Variants in QKI observed in about 807,000 individuals in gnomAD.
QKI encodes QKI, KH domain containing RNA binding, also known as KH domain-containing RNA-binding protein QKI.
Under a neutral mutation model 39.0 loss-of-function variants are expected in QKI, and 10 were observed. That is an observed-to-expected ratio of 0.26 (90% CI 0.16 to 0.43). The LOEUF is 0.43. QKI is among the 20% of genes least tolerant of loss of function. The probability of loss-of-function intolerance (pLI) is 1.00; values close to 1 mark genes in which losing one functional copy is unlikely to be tolerated. For missense variants in QKI, 218 were observed against 428.0 expected (o/e 0.51, Z 4.33); for synonymous variants, 204 against 155.4 (o/e 1.31, Z -2.33).
intron 1 of QKI, among the ~76,000 whole-genome samples, chr6:163,433,333 G>A (rs561394255): frequency 6.6e-6 from 1 of 152,284 alleles, no homozygotes; most frequent in African/African-American, 2.4e-5. Flanking sequence ...ATAGGAGCAA[G>A]TGGTGGTAAT....
chr6:163,475,367 G>A (rs1344587153), intron 2 of QKI, among the ~76,000 whole-genome samples: 1 of 152,104 alleles, frequency 6.6e-6, no homozygotes, highest in Non-Finnish European at 1.5e-5. Context: ...CCTAAGCAAT[G>A]CAGCATAACA....
intron 3 of QKI, among the ~76,000 whole-genome samples, chr6:163,498,170 C>T (rs1477072539): frequency 1.5e-5 from 2 of 129,042 alleles, no homozygotes; most frequent in South Asian, 2.6e-4. Flanking sequence ...CATTAGTTTG[C>T]TCCTACCGCA....
intron 3 of QKI, among the ~76,000 whole-genome samples, chr6:163,526,343 A>C (rs1780516622): frequency 6.6e-6 from 1 of 152,222 alleles, no homozygotes; most frequent in Non-Finnish European, 1.5e-5. Flanking sequence ...TCACATTCTA[A>C]AACAATTATT....
At chr6:163,484,884 C>T (rs1793347756) in intron 3 of QKI, among the ~76,000 whole-genome samples, 1 of 152,080 alleles carries the variant, frequency 6.6e-6, no homozygotes, top group South Asian at 2.1e-4. Context: ...ACGAATTGAG[C>T]ACATGGTGTT....
chr6:163,509,468 C>A (rs967468777), intron 3 of QKI, among the ~76,000 whole-genome samples: 2 of 61,986 alleles, frequency 3.2e-5, no homozygotes, highest in Non-Finnish European at 5.6e-5. Context: ...TACATATGAC[C>A]ATTTAATAAA....
chr6:163,465,684 T>C (rs985935118), intron 2 of QKI, among the ~76,000 whole-genome samples: 2 of 151,068 alleles, frequency 1.3e-5, no homozygotes, highest in African/African-American at 4.9e-5. Flanking sequence ...AATAAAATTA[T>C]CTTTATTTGC....
At chr6:163,566,838 G>C (rs377218765) in intron 7 of QKI, 43 bp downstream of exon 7, 1 of 1,602,250 alleles carries the variant, frequency 6.2e-7, no homozygotes, top group Non-Finnish European at 8.5e-7. Flanking sequence ...AAATGCGTTG[G>C]GTGTCCATAA....
chr6:163,464,256 C>T (rs1486321787), intron 2 of QKI, among the ~76,000 whole-genome samples: 1 of 150,500 alleles, frequency 6.6e-6, no homozygotes, highest in East Asian at 1.9e-4. Context: ...ATTTTTCATT[C>T]TCGCAGTAAA....
chr6:163,515,315 A>G, intron 3 of QKI, among the ~76,000 whole-genome samples: 1 of 151,870 alleles, frequency 6.6e-6, no homozygotes, highest in South Asian at 2.1e-4. Context: ...ACTGTCAACT[A>G]ATAGTGTGTG....
intron 3 of QKI, among the ~76,000 whole-genome samples, chr6:163,494,711 T>C (rs1365597121): frequency 1.3e-5 from 2 of 152,002 alleles, no homozygotes; most frequent in Admixed American, 6.6e-5. Context: ...TTTGACTGTT[T>C]ATTATGATTT....
intron 3 of QKI, among the ~76,000 whole-genome samples, chr6:163,503,209 T>G (rs1369354995): frequency 6.8e-6 from 1 of 147,898 alleles, no homozygotes; most frequent in African/African-American, 2.5e-5. Context: ...CTCAAACTCA[T>G]GAGCTCAGGC....
rs1484179496 is a variant in QKI, at chr6:163,573,988, G to A, written c.*3278G>A. On this transcript the variant is annotated 3_prime_UTR_variant, in exon 8 of 8. Coordinates refer to ENST00000361752, the MANE Select transcript of QKI (RefSeq NM_006775.3). ...GCACACTACTGTTAAAATGGCTTTG[G>A]TTATTCTGGTCTTTTAGCTTGGGGG... 2.0e-5 allele frequency: 3 copies of A among 150,312 alleles called. No individual in the cohort carries two copies. Among genetic ancestry groups the A allele is most frequent in the Non-Finnish European group, 4.4e-5 (3 of 67,736 alleles). 9.3% of individuals were successfully genotyped at this position (150,312 alleles called of 1,614,324 possible).
At position 163,483,224 on chromosome 6, in the gene QKI, T is replaced by C. The variant is rs6921890; in HGVS notation, c.402+4328T>C. Among the ~76,000 whole-genome samples, 517 of 152,366 alleles carry C rather than the reference T, an allele frequency of 3.4e-3. 4 individuals carry two copies. Among genetic ancestry groups the C allele is most frequent in the African/African-American group, 0.012 (487 of 41,590 alleles). ...TTGCTGAAAAATGCTAATGATCATCTGAGCCTTCAGAGAGTTTTAATCTTT... is the reference window on the plus strand; with the variant it reads ...TTGCTGAAAAATGCTAATGATCATCCGAGCCTTCAGAGAGTTTTAATCTTT... On this transcript the variant is annotated intron_variant, in intron 3 of 7. Transcript: ENST00000361752.
At chr6:163,431,831 TA>T (rs34131160) in intron 1 of QKI, among the ~76,000 whole-genome samples, 123,577 of 140,816 alleles carry the variant, frequency 0.88, 54,213 homozygotes, top group East Asian at 0.96. Flanking sequence ...CTGTTCTTAT[TA>T]AAAAAAAAAA....
Position 163,489,526 on chromosome 6 carries a change from G to A in QKI, c.402+10630G>A, listed in dbSNP as rs956106733. ...CAGTTTCCCAACTATTGTTTGTAGT[G>A]CGTTTTTTAATATTCTGACTGAAGC... On this transcript the variant is annotated intron_variant, in intron 3 of 7. Transcript: ENST00000361752. Among the ~76,000 whole-genome samples, 21 of 150,708 alleles carry A rather than the reference G, an allele frequency of 1.4e-4. 1 individual carries two copies. The highest frequency in any genetic ancestry group is 5.0e-4 in the African/African-American group (20 of 40,212).
chr6:163,547,022 GC>G (rs1324631080), intron 4 of QKI, among the ~76,000 whole-genome samples: 1 of 151,614 alleles, frequency 6.6e-6, no homozygotes. Context: ...AACTGACATG[GC>G]CTCAGCTTAT....
At chr6:163,461,837 A>T (rs1475982318) in intron 2 of QKI, among the ~76,000 whole-genome samples, 2 of 152,170 alleles carry the variant, frequency 1.3e-5, no homozygotes, top group African/African-American at 4.8e-5. Context: ...ACCCCTCAGA[A>T]TTGTCACACA....
chr6:163,445,816 G>T (rs919274882), intron 1 of QKI, among the ~76,000 whole-genome samples: 1 of 152,068 alleles, frequency 6.6e-6, no homozygotes, highest in Non-Finnish European at 1.5e-5. Flanking sequence ...GGATTTCACT[G>T]TGTTAGCCAG....
chr6:163,468,325 T>G (rs1791931398), intron 2 of QKI, among the ~76,000 whole-genome samples: 1 of 152,206 alleles, frequency 6.6e-6, no homozygotes, highest in Admixed American at 6.5e-5. Flanking sequence ...AAATGAAAAC[T>G]TGGTCTCTCC....
Sources: allele counts gnomAD v4.1 joint callset (sites outside exome capture counted in the v4.1 genomes callset), GRCh38; gene constraint gnomAD v4.1.1; transcripts MANE v1.5; gene names NCBI Gene and HGNC (gene_info 2026-07-23, HGNC 2026-07-21).